PLCE1: variants seen among roughly 807,000 people sequenced by gnomAD.
The protein encoded by PLCE1 is phospholipase C epsilon 1.
A neutral mutation model predicts 242.8 loss-of-function variants in PLCE1; 119 were observed. That is an observed-to-expected ratio of 0.49 (90% CI 0.42 to 0.57). PLCE1 has a LOEUF of 0.57. PLCE1 is among the 20% of genes least tolerant of loss of function. PLCE1 has a pLI of 0.00. For synonymous variants in PLCE1, 945 were observed against 1,017.4 expected (o/e 0.93, Z 1.35); for missense variants, 2,441 against 2,788.8 (o/e 0.88, Z 2.81).
chr10:94,039,962 A>G (rs565063283), intron 2 of PLCE1, among the ~76,000 whole-genome samples: 1 of 152,336 alleles, frequency 6.6e-6, no homozygotes, highest in Admixed American at 6.5e-5. Flanking sequence ...ATAGATTTAG[A>G]TATATGTATA....
chr10:94,259,663 C>T (rs2051226660), intron 13 of PLCE1, among the ~76,000 whole-genome samples: 1 of 152,112 alleles, frequency 6.6e-6, no homozygotes, highest in South Asian at 2.1e-4. Flanking sequence ...AGAAATTCAT[C>T]ATTGTGTGGT....
At position 94,313,342 on chromosome 10, in the gene PLCE1, C is replaced by A. The variant is rs1242763794; in HGVS notation, c.6092C>A (p.Thr2031Asn). The A allele has an allele frequency of 6.2e-7, 1 of 1,614,192 alleles. No homozygotes were observed. The highest frequency in any genetic ancestry group is 1.1e-5 in the South Asian group (1 of 91,082). ...GGGCCAGAGCCCTTTACCGTTTTCA[C>A]TATTAATGGAGGCACCAAGGCAAAG... is the stretch of plus-strand genomic sequence containing the variant. The part of the protein sequence containing the change: ...VPGPEPFTVF[T>N]INGGTKAKQL... The change falls in exon 28 of 33, where the codon ACT becomes AAT. Residue 2031 changes from threonine (T) to asparagine (N), a missense_variant. Transcript: ENST00000371380.
chr10:94,183,182 T>G (rs1324877708), intron 4 of PLCE1, among the ~76,000 whole-genome samples: 1 of 152,188 alleles, frequency 6.6e-6, no homozygotes, highest in Non-Finnish European at 1.5e-5. Flanking sequence ...ACTGCACATG[T>G]GAGAGCCAAG....
intron 2 of PLCE1, among the ~76,000 whole-genome samples, chr10:94,121,711 T>C (rs1288672807): frequency 6.6e-6 from 1 of 152,176 alleles, no homozygotes; most frequent in Non-Finnish European, 1.5e-5. Flanking sequence ...GACCATACTC[T>C]TTCCACTCTA....
At chr10:94,095,830 C>A (rs1281574974) in intron 2 of PLCE1, among the ~76,000 whole-genome samples, 2 of 152,142 alleles carry the variant, frequency 1.3e-5, no homozygotes, top group South Asian at 4.1e-4. Flanking sequence ...GGGATTTGAG[C>A]CCTTTGTCAG....
chr10:94,009,852 G>A (rs371941902), intron 1 of PLCE1, among the ~76,000 whole-genome samples: 28 of 152,368 alleles, frequency 1.8e-4, no homozygotes, highest in African/African-American at 6.3e-4. Flanking sequence ...GCTCTCGCAG[G>A]TTGGAGTCTG....
intron 2 of PLCE1, among the ~76,000 whole-genome samples, chr10:94,056,783 A>C (rs757089310): frequency 6.6e-6 from 1 of 152,154 alleles, no homozygotes; most frequent in East Asian, 1.9e-4. Flanking sequence ...CTCCATACCC[A>C]TTAGCAGTCA....
intron 2 of PLCE1, among the ~76,000 whole-genome samples, chr10:94,048,761 A>AGAGAGAGAGG (rs1339263367): frequency 1.3e-5 from 2 of 149,156 alleles, no homozygotes; most frequent in Non-Finnish European, 3.0e-5. Context: ...ATATATAGAG[A>AGAGAGAGAGG]GAGAGAGAGG....
intron 22 of PLCE1, among the ~76,000 whole-genome samples, chr10:94,285,865 G>A (rs1174179372): frequency 1.3e-5 from 2 of 152,162 alleles, no homozygotes; most frequent in African/African-American, 4.8e-5. Context: ...CAGTGGACAG[G>A]CTGATGAACC....
Position 94,227,011 on chromosome 10 carries a change from G to A in PLCE1, c.1810-295G>A, listed in dbSNP as rs898605215. 4 of 357,540 alleles carry A rather than the reference G, an allele frequency of 1.1e-5. No homozygotes were observed. The Admixed American group carries it at 1.5e-4, about 14-fold the overall frequency. 22.1% of individuals were successfully genotyped at this position (357,540 alleles called of 1,614,324 possible). On this transcript the variant is annotated intron_variant, in intron 4 of 32. Transcript: ENST00000371380. Reference sequence around the variant, plus strand: ...CCTGCCTCAGCTTCCCAAGTAGTTGGAATTATAGGCGCCTGCCACCATGCC... The same window carrying A: ...CCTGCCTCAGCTTCCCAAGTAGTTGAAATTATAGGCGCCTGCCACCATGCC...
chr10:94,301,304 A>G (rs2053029719), intron 24 of PLCE1, among the ~76,000 whole-genome samples: 1 of 152,102 alleles, frequency 6.6e-6, no homozygotes, highest in Non-Finnish European at 1.5e-5. Flanking sequence ...AGATCGCGCC[A>G]CTGCACTTCA....
chr10:94,139,614 T>C (rs1590107017), intron 3 of PLCE1: 1 of 152,210 alleles, frequency 6.6e-6, no homozygotes, highest in Non-Finnish European at 1.5e-5. Flanking sequence ...CATAAATATC[T>C]TGGGGACTAG....
intron 19 of PLCE1, among the ~76,000 whole-genome samples, chr10:94,278,791 A>T (rs1156609871): frequency 6.6e-6 from 1 of 152,006 alleles, no homozygotes; most frequent in Non-Finnish European, 1.5e-5. Context: ...TTATATGTAT[A>T]TTTATATAGT....
At chr10:94,208,758 C>G (rs1193984679) in intron 4 of PLCE1, among the ~76,000 whole-genome samples, 1 of 152,170 alleles carries the variant, frequency 6.6e-6, no homozygotes, top group Admixed American at 6.5e-5. Flanking sequence ...TCTGAAGAAA[C>G]TCTCCCAGCT....
Position 94,246,135 on chromosome 10 carries a change from C to A in PLCE1, c.2610C>A (p.Tyr870Ter). Residue 870 changes from tyrosine (Y) to a stop codon, truncating the protein, a stop_gained, in exon 8 of 33, where the codon TAC becomes TAA. Transcript: ENST00000371380. LOFTEE classifies it high-confidence loss of function. The stretch of plus-strand genomic sequence containing the variant: ...TGCAGGGGGCCACGGTCATCCACTA[C>A]GACCAGGACACACACCTCTCTGCCC... ...FLLQGATVIH[Y>*]DQDTHLSARC... is the part of the protein sequence containing the mutation. 1 of 1,614,144 alleles carries A rather than the reference C, an allele frequency of 6.2e-7. No homozygotes were observed. The highest frequency in any genetic ancestry group is 8.5e-7 in the Non-Finnish European group (1 of 1,180,016).
intron 4 of PLCE1, among the ~76,000 whole-genome samples, chr10:94,201,568 T>C (rs1413516981): frequency 6.6e-6 from 1 of 152,280 alleles, no homozygotes; most frequent in African/African-American, 2.4e-5. Flanking sequence ...CTCCGCCTCC[T>C]GGGTTCACGC....
intron 3 of PLCE1, among the ~76,000 whole-genome samples, chr10:94,146,471 T>G (rs531365014): frequency 1.3e-5 from 2 of 152,318 alleles, no homozygotes; most frequent in South Asian, 4.1e-4. Flanking sequence ...TGCATTTGAG[T>G]GCTCTCAGTG....
intron 23 of PLCE1, among the ~76,000 whole-genome samples, chr10:94,294,221 A>G (rs188323985): frequency 4.6e-5 from 7 of 152,352 alleles, no homozygotes; most frequent in Non-Finnish European, 1.0e-4. Flanking sequence ...GGAACATTCT[A>G]GTGGTTTCTT....
At chr10:94,234,745 T>C (rs1052502961) in intron 6 of PLCE1, among the ~76,000 whole-genome samples, 1 of 152,054 alleles carries the variant, frequency 6.6e-6, no homozygotes, top group Non-Finnish European at 1.5e-5. Context: ...CTGGGGAGCC[T>C]GGAGACGCAT....
Sources: allele counts gnomAD v4.1 joint callset (sites outside exome capture counted in the v4.1 genomes callset), GRCh38; gene constraint gnomAD v4.1.1; transcripts MANE v1.5; gene names NCBI Gene and HGNC (gene_info 2026-07-23, HGNC 2026-07-21).